The following MAD1L1 variants were observed in gnomAD, a reference collection of about 807,000 sequenced individuals.
The protein encoded by MAD1L1 is mitotic arrest deficient 1 like 1.
A neutral mutation model predicts 96.9 loss-of-function variants in MAD1L1; 95 were observed. That is an observed-to-expected ratio of 0.98 (90% CI 0.83 to 1.16). The LOEUF is 1.16. Among genes scored for constraint, MAD1L1 ranks in the 50% most tolerant of loss-of-function variants. The pLI is 0.00. For synonymous variants in MAD1L1, 473 were observed against 396.6 expected (o/e 1.19, Z -2.29); for missense variants, 1,007 against 954.4 (o/e 1.06, Z -0.73).
chr7:2,126,540 A>C (rs1025408844), intron 11 of MAD1L1, among the ~76,000 whole-genome samples: 2 of 151,968 alleles, frequency 1.3e-5, no homozygotes, highest in African/African-American at 2.4e-5. Flanking sequence ...GCCAGGCACA[A>C]TGATTGTGCA....
intron 12 of MAD1L1, among the ~76,000 whole-genome samples, chr7:2,027,611 A>G (rs1350432125): frequency 6.6e-6 from 1 of 152,256 alleles, no homozygotes; most frequent in Non-Finnish European, 1.5e-5. Flanking sequence ...GATCATCTCA[A>G]TATTTGCAGA....
At chr7:2,011,723 A>G (rs1782311494) in intron 13 of MAD1L1, among the ~76,000 whole-genome samples, 1 of 152,174 alleles carries the variant, frequency 6.6e-6, no homozygotes, top group Admixed American at 6.5e-5. Flanking sequence ...CAGACCCCAG[A>G]GGGCAGTGGC....
chr7:1,911,620 C>G (rs945536951), intron 17 of MAD1L1, among the ~76,000 whole-genome samples: 1 of 152,256 alleles, frequency 6.6e-6, no homozygotes. Context: ...CAAGGCCAGA[C>G]TCCGGCGTCA....
intron 18 of MAD1L1, among the ~76,000 whole-genome samples, chr7:1,816,792 G>A (rs1781831194): frequency 6.6e-6 from 1 of 151,992 alleles, no homozygotes; most frequent in Non-Finnish European, 1.5e-5. Flanking sequence ...CAGGGCAGGA[G>A]TCACACAGCA....
intron 14 of MAD1L1, among the ~76,000 whole-genome samples, chr7:1,994,658 G>C (rs759295805): frequency 5.3e-5 from 8 of 152,224 alleles, no homozygotes; most frequent in Non-Finnish European, 8.8e-5. Flanking sequence ...GGAGCCTCGG[G>C]GGGGGGATTA....
intron 18 of MAD1L1, among the ~76,000 whole-genome samples, chr7:1,816,664 C>T (rs1365866456): frequency 5.3e-5 from 8 of 152,172 alleles, no homozygotes; most frequent in African/African-American, 1.4e-4. Flanking sequence ...TGCAGGGGGG[C>T]GCTGGGGGCC....
chr7:2,184,316 T>C (rs74766679), intron 10 of MAD1L1, among the ~76,000 whole-genome samples: 4,369 of 151,248 alleles, frequency 0.029, 102 homozygotes, highest in Middle Eastern at 0.1. Flanking sequence ...AGGGAACTGG[T>C]CATTAGGGAA....
At chr7:1,967,959 C>T (rs536321115) in intron 15 of MAD1L1, among the ~76,000 whole-genome samples, 7 of 152,212 alleles carry the variant, frequency 4.6e-5, no homozygotes, top group Non-Finnish European at 1.0e-4. Flanking sequence ...GGTGCGTGCA[C>T]CAGATCAGAA....
At chr7:2,115,982 G>C (rs533037237) in intron 11 of MAD1L1, among the ~76,000 whole-genome samples, 6 of 152,320 alleles carry the variant, frequency 3.9e-5, no homozygotes, top group East Asian at 3.9e-4. Context: ...GACGGTGGAG[G>C]GGGGATAAGG....
chr7:2,141,876 C>T (rs1336463031), intron 11 of MAD1L1, among the ~76,000 whole-genome samples: 2 of 152,200 alleles, frequency 1.3e-5, no homozygotes, highest in Admixed American at 6.5e-5. Flanking sequence ...TCTTTTCCTA[C>T]TAAAGTCCCA....
At chr7:1,924,126 G>C (rs1440607666) in intron 17 of MAD1L1, among the ~76,000 whole-genome samples, 1 of 152,222 alleles carries the variant, frequency 6.6e-6, no homozygotes, top group Non-Finnish European at 1.5e-5. Flanking sequence ...GGAGATGCTG[G>C]AATTATCGAG....
At chr7:2,049,600 A>T (rs1400069699) in intron 12 of MAD1L1, among the ~76,000 whole-genome samples, 2 of 152,190 alleles carry the variant, frequency 1.3e-5, no homozygotes, top group African/African-American at 4.8e-5. Flanking sequence ...CTGTGCCTGG[A>T]CCTCACAGAC....
At chr7:1,859,686 C>T (rs56137415) in intron 18 of MAD1L1, among the ~76,000 whole-genome samples, 4,504 of 152,306 alleles carry the variant, frequency 0.03, 141 homozygotes, top group Admixed American at 0.077. Flanking sequence ...AGCTGGTGCT[C>T]TCCGTAGACC....
chr7:1,822,661 C>T (rs538992184), intron 18 of MAD1L1, among the ~76,000 whole-genome samples: 15 of 151,178 alleles, frequency 9.9e-5, no homozygotes, highest in Non-Finnish European at 2.1e-4. Flanking sequence ...TGGGCTCAAG[C>T]GATCCTTTTG....
At chr7:2,025,834 T>A (rs991203885) in intron 12 of MAD1L1, among the ~76,000 whole-genome samples, 1 of 152,208 alleles carries the variant, frequency 6.6e-6, no homozygotes, top group Non-Finnish European at 1.5e-5. Context: ...TAGTCTATCT[T>A]ATAATCACCA....
chr7:1,880,026 G>T (rs761676259), intron 18 of MAD1L1, among the ~76,000 whole-genome samples: 1 of 152,056 alleles, frequency 6.6e-6, no homozygotes, highest in Non-Finnish European at 1.5e-5. Context: ...CACTTCGCCT[G>T]GCCGGCAAAC....
rs766529974 is a variant in MAD1L1 at position 1,968,239 on chromosome 7, G to A, written c.1506-10520C>T. 5.0e-4 allele frequency among the ~76,000 whole-genome samples: 76 copies of A among 151,692 alleles called. No homozygotes were observed. The highest frequency in any genetic ancestry group is 1.5e-3 in the African/African-American group (64 of 41,314). On this transcript the variant is annotated intron_variant, in intron 15 of 18. Coordinates refer to ENST00000265854, the MANE Select transcript of MAD1L1 (RefSeq NM_001013836.2). The surrounding 1 kb of genome is among the most constrained non-coding windows in gnomAD (Gnocchi z 5.6). The stretch of plus-strand genomic sequence containing the variant: ...TCCACCGTCGACGCCTCAGTCCGGC[G>A]GTCAGGTCCACCGTCAACACCAGCG...
At chr7:2,176,643 A>G (rs1444238260) in intron 10 of MAD1L1, among the ~76,000 whole-genome samples, 1 of 152,258 alleles carries the variant, frequency 6.6e-6, no homozygotes, top group Non-Finnish European at 1.5e-5. Context: ...CTGTCAAAAC[A>G]CTAAAACTAT....
chr7:1,816,042 G>T lies in MAD1L1; in HGVS notation c.*28C>A. The T allele has an allele frequency of 6.3e-7, 1 of 1,586,374 alleles. No individual in the cohort carries two copies. The highest frequency in any genetic ancestry group is 8.6e-7 in the Non-Finnish European group (1 of 1,165,862). ...CCTGCAGGTCAGGCCAAGCAGAGTG[G>T]CTCCGGCTATGCCCCCGAGCCTGCA... On this transcript the variant is annotated 3_prime_UTR_variant, in exon 19 of 19. Transcript: ENST00000265854.
Sources: gnomAD v4.1 joint callset for allele counts (sites outside exome capture counted in the v4.1 genomes callset) on GRCh38, gnomAD v4.1.1 for gene constraint, Gnocchi (gnomAD v3.1) non-coding constraint, MANE v1.5 for transcripts, NCBI Gene and HGNC (gene_info 2026-07-23, HGNC 2026-07-21) for gene names.